The following PDGFRL variants were observed in gnomAD, a reference collection of about 807,000 sequenced individuals.
The protein encoded by PDGFRL is platelet derived growth factor receptor like.
In PDGFRL, 46 loss-of-function variants were observed where a neutral mutation model predicts 37.2. The ratio of observed to expected loss-of-function variants is 1.24; its 90% confidence interval spans 0.98 to 1.58. The LOEUF (loss-of-function observed/expected upper bound fraction) is 1.58. Among genes scored for constraint, PDGFRL ranks in the 40% most tolerant of loss-of-function variants. PDGFRL has a pLI of 0.00. For missense variants in PDGFRL, 692 were observed against 467.6 expected (o/e 1.48, Z -4.43); for synonymous variants, 251 against 184.3 (o/e 1.36, Z -2.93).
At position 17,628,561 on chromosome 8, in the gene PDGFRL, G is replaced by T; in HGVS notation, c.580G>T (p.Val194Phe). Residue 194 changes from valine (V) to phenylalanine (F), a missense_variant, in exon 4 of 6, where the codon GTT (valine) becomes TTT (phenylalanine). Physicochemically the swap from Val to Phe is conservative, Grantham distance 50. Transcript: ENST00000251630. Reference protein sequence around the residue: ...VYLNPDRQAVVPCRVTVLSAK... With the variant: ...VYLNPDRQAVFPCRVTVLSAK... ...CTTGAACCCGGACAGACAGGCTGTGGTTCCTTGTCGGGTGACCGTGCTGTC... is the reference window on the plus strand; with the variant it reads ...CTTGAACCCGGACAGACAGGCTGTGTTTCCTTGTCGGGTGACCGTGCTGTC... 1.2e-6 allele frequency: 2 copies of T among 1,614,078 alleles called. No homozygotes were observed. The highest frequency in any genetic ancestry group is 1.7e-6 in the Non-Finnish European group (2 of 1,179,916).
intron 2 of PDGFRL, among the ~76,000 whole-genome samples, chr8:17,598,650 C>T (rs552163052): frequency 6.6e-6 from 1 of 152,288 alleles, no homozygotes; most frequent in African/African-American, 2.4e-5. Flanking sequence ...GCTGTGTCAC[C>T]TGGATCCATC....
intron 3 of PDGFRL, among the ~76,000 whole-genome samples, chr8:17,627,507 C>A (rs1043999612): frequency 6.8e-6 from 1 of 148,050 alleles, no homozygotes; most frequent in Non-Finnish European, 1.5e-5. Flanking sequence ...TGCTCTGTTG[C>A]CCAGGCTGGA....
At chr8:17,634,036 T>G in intron 4 of PDGFRL, 38 bp from the exon 5 acceptor site, 1 of 1,608,222 alleles carries the variant, frequency 6.2e-7, no homozygotes, top group East Asian at 2.2e-5. Context: ...AAGGTTACAC[T>G]CGGGGTCTCA....
intron 2 of PDGFRL, among the ~76,000 whole-genome samples, chr8:17,597,559 T>TC (rs1554550490): frequency 3.3e-5 from 5 of 150,502 alleles, no homozygotes; most frequent in Admixed American, 3.3e-4. Context: ...CATTTTTTTT[T>TC]CCCAAAGTGC....
chr8:17,577,407 G>T, intron 1 of PDGFRL, 100 bp downstream of exon 1: 1 of 991,214 alleles, frequency 1.0e-6, no homozygotes. Context: ...TCTAACGTTC[G>T]GCCCTCGGTG....
chr8:17,619,586 A>G (rs1804592506), intron 2 of PDGFRL, among the ~76,000 whole-genome samples: 1 of 152,202 alleles, frequency 6.6e-6, no homozygotes, highest in African/African-American at 2.4e-5. Flanking sequence ...TTATCAGCCA[A>G]TGCGTTTTCT....
At chr8:17,638,738 C>CATATATATATATAT (rs56085770) in intron 5 of PDGFRL, among the ~76,000 whole-genome samples, 5 of 47,360 alleles carry the variant, frequency 1.1e-4, no homozygotes, top group East Asian at 2.2e-3. Flanking sequence ...GCATTAGGTG[C>CATATATATATATAT]ATATATATAT....
intron 4 of PDGFRL, among the ~76,000 whole-genome samples, chr8:17,633,420 C>G (rs1428619983): frequency 6.6e-6 from 1 of 152,136 alleles, no homozygotes; most frequent in African/African-American, 2.4e-5. Flanking sequence ...CCCAGCTACT[C>G]TGGAGGCTGA....
At chr8:17,624,765 G>C (rs116247668) in intron 3 of PDGFRL, among the ~76,000 whole-genome samples, 63 of 152,152 alleles carry the variant, frequency 4.1e-4, no homozygotes, top group African/African-American at 1.4e-3. Context: ...AAAATTAGGT[G>C]GGCATGGTGG....
At chr8:17,638,301 C>T (rs2129848758) in intron 5 of PDGFRL, among the ~76,000 whole-genome samples, 1 of 152,204 alleles carries the variant, frequency 6.6e-6, no homozygotes, top group Non-Finnish European at 1.5e-5. Context: ...TCATTCTTGA[C>T]CCAGTGATCA....
chr8:17,592,612 G>A (rs1162929866), intron 2 of PDGFRL, among the ~76,000 whole-genome samples: 4 of 152,122 alleles, frequency 2.6e-5, no homozygotes, highest in Admixed American at 2.6e-4. Flanking sequence ...AAAGCGCCAG[G>A]CTCCTGGGGA....
In PDGFRL at chr8:17,615,556, G is replaced by T. The variant is rs183812103; in HGVS notation, c.354-5495G>T. On this transcript the variant is annotated intron_variant, in intron 2 of 5. Transcript: ENST00000251630. ...TCGGTGCCCTCAAGCAGTAAAAGGGGAAAAATAGTACCTCCAACTTAATGT... is the reference window on the plus strand; with the variant it reads ...TCGGTGCCCTCAAGCAGTAAAAGGGTAAAAATAGTACCTCCAACTTAATGT... 1.4e-3 allele frequency among the ~76,000 whole-genome samples: 210 copies of T among 152,238 alleles called. 1 individual carries two copies. Among genetic ancestry groups the T allele is most frequent in the African/African-American group, 4.9e-3 (202 of 41,548 alleles).
intron 5 of PDGFRL, among the ~76,000 whole-genome samples, chr8:17,642,279 G>A (rs1235269798): frequency 3.9e-5 from 6 of 152,178 alleles, no homozygotes; most frequent in African/African-American, 1.2e-4. Flanking sequence ...CGGGGCCAGT[G>A]GAAAATTTTG....
At chr8:17,578,147 T>G (rs927592996) in intron 1 of PDGFRL, among the ~76,000 whole-genome samples, 2 of 152,204 alleles carry the variant, frequency 1.3e-5, no homozygotes, top group Non-Finnish European at 2.9e-5. Context: ...GGGTGTTATT[T>G]GTACAGTACA....
chr8:17,602,732 G>T (rs1804192302), intron 2 of PDGFRL, among the ~76,000 whole-genome samples: 1 of 152,040 alleles, frequency 6.6e-6, no homozygotes, highest in Non-Finnish European at 1.5e-5. Context: ...TGGAGTTCTG[G>T]TCTACTCTGC....
chr8:17,623,464 C>T (rs1804671696), intron 3 of PDGFRL, among the ~76,000 whole-genome samples: 1 of 152,162 alleles, frequency 6.6e-6, no homozygotes, highest in Non-Finnish European at 1.5e-5. Flanking sequence ...TGACTGATTC[C>T]ACATTTCAAG....
At chr8:17,613,726 A>T (rs1804468642) in intron 2 of PDGFRL, among the ~76,000 whole-genome samples, 1 of 152,264 alleles carries the variant, frequency 6.6e-6, no homozygotes, top group Admixed American at 6.5e-5. Flanking sequence ...GAAAAATGCT[A>T]AAATTAGCCA....
intron 1 of PDGFRL, among the ~76,000 whole-genome samples, chr8:17,581,917 T>A (rs60153295): frequency 1.3e-5 from 2 of 152,140 alleles, no homozygotes; most frequent in Non-Finnish European, 2.9e-5. Flanking sequence ...GCTATAAAGA[T>A]ACCTGAAAGT....
chr8:17,628,283 C>A (rs528430498), intron 3 of PDGFRL, among the ~76,000 whole-genome samples: 1 of 151,982 alleles, frequency 6.6e-6, no homozygotes, highest in Non-Finnish European at 1.5e-5. Context: ...TGTGAGCTAC[C>A]GCGCCCAGCC....
Sources: allele counts gnomAD v4.1 joint callset (sites outside exome capture counted in the v4.1 genomes callset), GRCh38; gene constraint gnomAD v4.1.1; transcripts MANE v1.5; gene names NCBI Gene and HGNC (gene_info 2026-07-23, HGNC 2026-07-21).